DHX30: variants seen among roughly 807,000 people sequenced by gnomAD.
The protein encoded by DHX30 is DExH-box helicase 30.
A neutral mutation model predicts 116.9 loss-of-function variants in DHX30; 4 were observed. The observed-to-expected ratio is 0.03, with a 90% CI of 0.02 to 0.08. The LOEUF is 0.08. Among genes scored for constraint, DHX30 ranks in the 10% least tolerant of loss-of-function variants. The pLI, the probability that DHX30 is intolerant of heterozygous loss-of-function variation, is 1.00. For missense variants in DHX30, 871 were observed against 1,595.1 expected, an observed-to-expected ratio of 0.55 and a Z score of 7.73; for synonymous variants, 697 against 651.7, an observed-to-expected ratio of 1.07 and a Z score of -1.06.
In DHX30 at chr3:47,819,181, A is replaced by T. The variant is rs558228255; in HGVS notation, c.124+1064A>T. ...GCCACCCCCCTACCGTTACCAAAAC[A>T]AGAGTTGATTGCCCTTTTTTTTTTC... On this transcript the variant is annotated intron_variant, in intron 4 of 21. Coordinates refer to ENST00000445061, the MANE Select transcript of DHX30 (RefSeq NM_138615.3). 1.9e-4 allele frequency: 264 copies of T among 1,359,158 alleles called. 3 individuals are homozygous for T. In the South Asian group the frequency reaches 2.8e-3, roughly 15 times the overall value. The allele number at this position is 1,359,158 out of a possible 1,614,324, so 84.2% of individuals were successfully genotyped here. A position where few individuals can be genotyped will look rare whatever the true frequency, so the allele number is the denominator to read the frequency against.
intron 4 of DHX30, 47 bp from the exon 5 acceptor site, chr3:47,827,300 T>G: frequency 6.4e-7 from 1 of 1,563,790 alleles, no homozygotes; most frequent in Non-Finnish European, 8.6e-7. Context: ...CATGGAGTTT[T>G]TAAAAGAAAA....
At chr3:47,822,949 C>T (rs1358214811) in intron 4 of DHX30, among the ~76,000 whole-genome samples, 5 of 151,506 alleles carry the variant, frequency 3.3e-5, no homozygotes, top group South Asian at 2.1e-4. Flanking sequence ...AAAAATTAGC[C>T]GGGTGTGGTG....
intron 4 of DHX30, among the ~76,000 whole-genome samples, chr3:47,823,268 A>G (rs183305319): frequency 4.1e-4 from 62 of 151,968 alleles, no homozygotes; most frequent in Admixed American, 5.9e-4. Flanking sequence ...GGGGGCTACA[A>G]TTCAAGATGA....
intron 4 of DHX30, among the ~76,000 whole-genome samples, chr3:47,823,210 A>G (rs1484140234): frequency 6.6e-6 from 1 of 152,006 alleles, no homozygotes; most frequent in African/African-American, 2.4e-5. Context: ...CACCCCCATG[A>G]TTCAATGACC....
chr3:47,834,190 G>C (rs372816469), intron 6 of DHX30, among the ~76,000 whole-genome samples: 1 of 151,944 alleles, frequency 6.6e-6, no homozygotes, highest in African/African-American at 2.4e-5. Flanking sequence ...TGCAACCTCC[G>C]CCTCCTAGGT....
At chr3:47,840,083 G>A (rs1391984347) in intron 6 of DHX30, among the ~76,000 whole-genome samples, 4 of 150,006 alleles carry the variant, frequency 2.7e-5, no homozygotes, top group African/African-American at 4.9e-5. Context: ...TGCAAGCTCC[G>A]CCTCCCAGGT....
chr3:47,845,128 T>G (rs2037545709), intron 9 of DHX30, among the ~76,000 whole-genome samples: 2 of 152,136 alleles, frequency 1.3e-5, no homozygotes, highest in South Asian at 4.1e-4. Flanking sequence ...CCTCAGGGCC[T>G]TCTCCAGACG....
rs774285002 is a variant in DHX30 at position 47,847,159 on chromosome 3, G to A, written c.1930-114G>A. ...GACTAACCCTGCCTGCGTGGCACAC[G>A]TGAGGATTGGAGTTGATGTCAAGCG... On this transcript the variant is annotated intron_variant, in intron 11 of 21. Coordinates refer to ENST00000445061, the MANE Select transcript of DHX30 (RefSeq NM_138615.3). The surrounding 1 kb of genome is among the most constrained non-coding windows in gnomAD (Gnocchi z 5.5). 8 of 1,493,098 alleles carry A rather than the reference G, an allele frequency of 5.4e-6. No individual in the cohort carries two copies. The highest frequency in any genetic ancestry group is 4.5e-5 in the East Asian group (2 of 44,088). The allele number at this position is 1,493,098 out of a possible 1,614,324, so 92.5% of individuals were successfully genotyped here. A position where few individuals can be genotyped will look rare whatever the true frequency, so the allele number is the denominator to read the frequency against.
At chr3:47,840,452 C>T (rs145943094) in intron 6 of DHX30, among the ~76,000 whole-genome samples, 2,531 of 151,690 alleles carry the variant, frequency 0.017, 60 homozygotes, top group Non-Finnish European at 0.016. Context: ...CAAGACCATC[C>T]TGGGCAACAT....
At chr3:47,815,723 C>CAAAAAAAAA (rs11349970) in intron 3 of DHX30, among the ~76,000 whole-genome samples, 5 of 20,754 alleles carry the variant, frequency 2.4e-4, no homozygotes, top group Non-Finnish European at 3.2e-4. Context: ...TAAAAAAGAG[C>CAAAAAAAAA]AAAAAAAAAA....
Position 47,846,646 on chromosome 3 carries a change from C to T in DHX30, c.1574C>T (p.Pro525Leu). ...VGFQVRLESK[P>L]PSRGGALLFC... ...TTCCAGGTGCGGTTGGAAAGTAAGC[C>T]CCCATCCCGAGGCGGGGCCCTGCTC... The change falls in exon 11 of 22, where the codon CCC becomes CTC. Residue 525 changes from proline (P) to leucine (L), a missense_variant. Transcript: ENST00000445061. 6.2e-7 allele frequency: 1 copy of T among 1,614,048 alleles called. No homozygotes were observed. Among genetic ancestry groups the T allele is most frequent in the Non-Finnish European group, 8.5e-7 (1 of 1,179,962 alleles).
Position 47,849,178 on chromosome 3 carries a change from TTC to T in DHX30, c.2930-12_2930-11del, listed in dbSNP as rs1409475586. The T allele has an allele frequency of 6.8e-6, 11 of 1,613,646 alleles. 1 individual carries two copies. The highest frequency in any genetic ancestry group is 3.3e-5 in the South Asian group (3 of 91,066). The stretch of plus-strand genomic sequence containing the variant: ...CTAGGGGCTGTAGGTCCACCACACA[TTC>T]TGTCTCCCTAGGACTCATCAAGCAG... On this transcript the variant is annotated splice_polypyrimidine_tract_variant and intron_variant, in intron 18 of 21. Transcript: ENST00000445061.
Position 47,847,887 on chromosome 3 carries a change from A to C in DHX30, c.2217A>C (p.Thr739=), listed in dbSNP as rs762492028. 1 of 1,614,190 alleles carries C rather than the reference A, an allele frequency of 6.2e-7. No individual in the cohort carries two copies. The highest frequency in any genetic ancestry group is 8.5e-7 in the Non-Finnish European group (1 of 1,180,032). Residue 739 remains threonine (T), a synonymous_variant, in exon 14 of 22, where the codon ACA becomes ACC. Coordinates refer to ENST00000445061, the MANE Select transcript of DHX30 (RefSeq NM_138615.3). The surrounding 1 kb of genome is among the most constrained non-coding windows in gnomAD (Gnocchi z 5.5). ...LATNIAETSI[T]INDIVHVVDS... is the part of the protein sequence containing the mutation. ...CCAACATTGCTGAGACTTCCATCAC[A>C]ATCAATGACATCGTGCATGTGGTGG...
chr3:47,841,995 G>T, intron 8 of DHX30: 1 of 519,070 alleles, frequency 1.9e-6, no homozygotes, highest in Admixed American at 3.2e-5. Flanking sequence ...ATTGTCAGTG[G>T]GGAAGGGTTA....
intron 7 of DHX30, 46 bp downstream of exon 7, chr3:47,841,224 A>G: frequency 6.2e-7 from 1 of 1,600,350 alleles, no homozygotes; most frequent in Non-Finnish European, 8.5e-7. Flanking sequence ...CTGTGCCTTG[A>G]CACGGGGATG....
At chr3:47,841,203 G>A in intron 7 of DHX30, 25 bp downstream of exon 7, 1 of 1,609,202 alleles carries the variant, frequency 6.2e-7, no homozygotes. Flanking sequence ...TGGGGATGCA[G>A]CAGAGGCTGG....
intron 3 of DHX30, among the ~76,000 whole-genome samples, chr3:47,814,913 AG>A (rs2035986142): frequency 6.6e-6 from 1 of 151,400 alleles, no homozygotes; most frequent in Non-Finnish European, 1.5e-5. Flanking sequence ...TGGTGGAAAC[AG>A]GGTCTTCCTA....
chr3:47,845,868 T>A lies in DHX30; in HGVS notation c.1092+16T>A. On this transcript the variant is annotated intron_variant, in intron 10 of 21. Coordinates refer to ENST00000445061, the MANE Select transcript of DHX30 (RefSeq NM_138615.3). ...CCTGAACCATGTAAGAGGCCCTGCA[T>A]CCCTCACCACCCCTGCTCCCTGTAG... 3 of 1,589,920 alleles carry A rather than the reference T, an allele frequency of 1.9e-6. No individual in the cohort carries two copies. Among genetic ancestry groups the A allele is most frequent in the Non-Finnish European group, 2.6e-6 (3 of 1,161,778 alleles).
Position 47,849,211 on chromosome 3 carries a change from A to G in DHX30, c.2949A>G (p.Ser983=). ...CCCTAGGACTCATCAAGCAGTTCTC[A>G]GAGAACATTTATGAGGCCTTCCTGG... is the stretch of plus-strand genomic sequence containing the variant. ...RFIHGLIKQF[S]ENIYEAFLVG... Residue 983 remains serine, a synonymous_variant, in exon 19 of 22, where the codon TCA becomes TCG. Coordinates refer to ENST00000445061, the MANE Select transcript of DHX30 (RefSeq NM_138615.3). The G allele has an allele frequency of 6.2e-7, 1 of 1,613,966 alleles. No individual in the cohort carries two copies.
Sources: gnomAD v4.1 joint callset for allele counts (sites outside exome capture counted in the v4.1 genomes callset) on GRCh38, gnomAD v4.1.1 for gene constraint, Gnocchi (gnomAD v3.1) non-coding constraint, MANE v1.5 for transcripts, NCBI Gene and HGNC (gene_info 2026-07-23, HGNC 2026-07-21) for gene names.